Variants in ASS1 observed in about 807,000 individuals in gnomAD.
ASS1 encodes the protein argininosuccinate synthase 1.
A neutral mutation model predicts 60.5 loss-of-function variants in ASS1; 58 were observed. That is an observed-to-expected ratio of 0.96 (90% CI 0.78 to 1.19). The LOEUF is 1.19. ASS1 is among the 50% of genes most tolerant of loss of function. The pLI, the probability that ASS1 is intolerant of heterozygous loss-of-function variation, is 0.00. For synonymous variants in ASS1, 200 were observed against 206.9 expected (o/e 0.97, Z 0.29); for missense variants, 454 against 547.3 (o/e 0.83, Z 1.70).
At chr9:130,451,292 G>T (rs1420863707) in intron 1 of ASS1, among the ~76,000 whole-genome samples, 1 of 124,480 alleles carries the variant, frequency 8.0e-6, no homozygotes, top group Non-Finnish European at 1.7e-5. Flanking sequence ...CTTCCCGGCT[G>T]CAGAGGGCCT....
At position 130,476,943 on chromosome 9, in the gene ASS1, G is replaced by A. The variant is rs764331417; in HGVS notation, c.670G>A (p.Glu224Lys). ...AGCCCCCAACACCCCTGACATTCTC[G>A]AGATCGAGTTCAAAAAAGGTATGTG... ...AKAPNTPDIL[E>K]IEFKKGVPVK... The change falls in exon 9 of 15, where the codon GAG becomes AAG. Residue 224 changes from glutamate to lysine, a missense_variant. Glu to Lys is a moderately conservative substitution (Grantham distance 56). Coordinates refer to ENST00000352480, the MANE Select transcript of ASS1 (RefSeq NM_054012.4). The surrounding 1 kb of genome is among the most constrained non-coding windows in gnomAD (Gnocchi z 4.9). The A allele has an allele frequency of 6.2e-6, 10 of 1,614,050 alleles. No homozygotes were observed. The highest frequency in any genetic ancestry group is 1.6e-4 in the Middle Eastern group (1 of 6,062).
intron 8 of ASS1, among the ~76,000 whole-genome samples, chr9:130,472,179 G>A (rs1020664175): frequency 6.6e-6 from 1 of 152,196 alleles, no homozygotes; most frequent in Non-Finnish European, 1.5e-5. Flanking sequence ...CTTAGTTCCC[G>A]GGCCCAGCCC....
At position 130,491,608 on chromosome 9, in the gene ASS1, G is replaced by A. The variant is rs914388566; in HGVS notation, c.970+2144G>A. 2.0e-5 allele frequency among the ~76,000 whole-genome samples: 3 copies of A among 152,310 alleles called. No individual in the cohort carries two copies. Among genetic ancestry groups the A allele is most frequent in the Admixed American group, 6.5e-5 (1 of 15,298 alleles). The stretch of plus-strand genomic sequence containing the variant: ...GATGCTCGTGATCAAGGGGCACGGC[G>A]GCACAGACAGGGGAACCCTGGGTGT... On this transcript the variant is annotated intron_variant, in intron 12 of 14. Coordinates refer to ENST00000352480, the MANE Select transcript of ASS1 (RefSeq NM_054012.4). This position sits in a 1 kb window ranked among gnomAD's most constrained non-coding sequence, Gnocchi z 5.3.
rs1846522686 is a variant in ASS1 at position 130,494,076 on chromosome 9, C to T, written c.971-791C>T. Among the ~76,000 whole-genome samples the T allele has an allele frequency of 6.6e-6, 1 of 152,182 alleles. No individual in the cohort carries two copies. Among genetic ancestry groups the T allele is most frequent in the Admixed American group, 6.5e-5 (1 of 15,280 alleles). On this transcript the variant is annotated intron_variant, in intron 12 of 14. Coordinates refer to ENST00000352480, the MANE Select transcript of ASS1 (RefSeq NM_054012.4). The surrounding 1 kb of genome is among the most constrained non-coding windows in gnomAD (Gnocchi z 4.3). ...AACTTCTCTGAGCCTCCCTTCCTCA[C>T]CCAGAAAGGGGAGAGGCTAAGAGAG...
chr9:130,497,111 T>C (rs1171019784), intron 13 of ASS1, among the ~76,000 whole-genome samples: 2 of 152,230 alleles, frequency 1.3e-5, no homozygotes, highest in East Asian at 3.8e-4. Flanking sequence ...TTTCTCTCTC[T>C]GGCTCTTTCT....
chr9:130,447,018 A>C (rs1009398275), intron 1 of ASS1, among the ~76,000 whole-genome samples: 3 of 152,210 alleles, frequency 2.0e-5, no homozygotes. Context: ...TCCATCACCA[A>C]AGACAAACCG....
chr9:130,493,079 GCC>G (rs1846488132), intron 12 of ASS1, among the ~76,000 whole-genome samples: 2 of 152,128 alleles, frequency 1.3e-5, no homozygotes, highest in Non-Finnish European at 2.9e-5. Context: ...CAGAAAGATG[GCC>G]AAGCCCAGGA....
chr9:130,476,598 G>A lies in ASS1; in HGVS notation c.598-273G>A, dbSNP rs927887619. The A allele has an allele frequency of 4.3e-5, 24 of 562,184 alleles. No homozygotes were observed. The African/African-American group carries it at 4.3e-4, about 10-fold the overall frequency. 34.8% of individuals were successfully genotyped at this position (562,184 alleles called of 1,614,324 possible). A position where few individuals can be genotyped will look rare whatever the true frequency, so the allele number is the denominator to read the frequency against. ...TTCCTGCCTGACTTGTTCCTCTCCA[G>A]CTATTCTACCTCCAGCTGTGGGGGC... On this transcript the variant is annotated intron_variant, in intron 8 of 14. Coordinates refer to ENST00000352480, the MANE Select transcript of ASS1 (RefSeq NM_054012.4). The surrounding 1 kb of genome is among the most constrained non-coding windows in gnomAD (Gnocchi z 4.9).
intron 13 of ASS1, among the ~76,000 whole-genome samples, chr9:130,496,593 T>TAAA (rs56807719): frequency 1.9e-5 from 2 of 105,962 alleles, no homozygotes; most frequent in African/African-American, 7.1e-5. Context: ...ACTGTCTCTT[T>TAAA]AAAAAAAAAA....
chr9:130,480,791 G>A (rs1474528220), intron 11 of ASS1, among the ~76,000 whole-genome samples: 7 of 152,178 alleles, frequency 4.6e-5, no homozygotes, highest in Admixed American at 2.6e-4. Flanking sequence ...GAGGCAGACC[G>A]TGCAGGCCCG....
chr9:130,454,792 A>C (rs1357061967), intron 3 of ASS1, among the ~76,000 whole-genome samples: 1 of 142,732 alleles, frequency 7.0e-6, no homozygotes, highest in Admixed American at 6.8e-5. Context: ...CCCATCATCC[A>C]TCCATCCATC....
chr9:130,447,223 G>A (rs1845216031), intron 1 of ASS1, among the ~76,000 whole-genome samples: 1 of 152,234 alleles, frequency 6.6e-6, no homozygotes, highest in Non-Finnish European at 1.5e-5. Flanking sequence ...GGGAGTGGAA[G>A]GCCTAGTGCA....
Position 130,495,030 on chromosome 9 carries a change from G to A in ASS1, c.1127+7G>A, listed in dbSNP as rs1386393475. ...ACAATGAGGAGCTGGTGAGGTAGGT[G>A]CCCCACACCTCATTCTGACCCCCAC... On this transcript the variant is annotated splice_region_variant and intron_variant, in intron 13 of 14. Transcript: ENST00000352480. 6.2e-7 allele frequency: 1 copy of A among 1,607,638 alleles called. No individual in the cohort carries two copies. Among genetic ancestry groups the A allele is most frequent in the Non-Finnish European group, 8.5e-7 (1 of 1,177,664 alleles).
chr9:130,452,348 T>A lies in ASS1; in HGVS notation c.105+15T>A. On this transcript the variant is annotated intron_variant, in intron 2 of 14. Transcript: ENST00000352480. ...TTGCCTATCTGGTGAGGGAGCGACCTGGGTGTCTGTCTTCCTGCGTGTCCT... is the reference window on the plus strand; with the variant it reads ...TTGCCTATCTGGTGAGGGAGCGACCAGGGTGTCTGTCTTCCTGCGTGTCCT... The A allele has an allele frequency of 1.2e-6, 2 of 1,607,182 alleles. No individual in the cohort carries two copies. Among genetic ancestry groups the A allele is most frequent in the African/African-American group, 2.7e-5 (2 of 74,896 alleles).
rs548008678 is a variant in ASS1 at position 130,445,909 on chromosome 9, T to C, written c.-6+914T>C. ...AGGGGTAGATCAAGACCTAGGGGAC[T>C]TGGGCTTTGATCCTCCCGCTCCCAG... On this transcript the variant is annotated intron_variant, in intron 1 of 14. Transcript: ENST00000352480. 5.1e-4 allele frequency among the ~76,000 whole-genome samples: 77 copies of C among 152,194 alleles called. 1 individual carries two copies. The highest frequency in any genetic ancestry group is 3.4e-3 in the Middle Eastern group (1 of 294).
At chr9:130,461,178 C>T (rs140224705) in intron 4 of ASS1, among the ~76,000 whole-genome samples, 26 of 100,082 alleles carry the variant, frequency 2.6e-4, no homozygotes, top group African/African-American at 1.1e-3. Context: ...TTCAGTAGGG[C>T]GGCATTCAGG....
At chr9:130,460,234 G>T (rs1328496492) in intron 4 of ASS1, among the ~76,000 whole-genome samples, 1 of 152,152 alleles carries the variant, frequency 6.6e-6, no homozygotes, top group Non-Finnish European at 1.5e-5. Flanking sequence ...GAGGAGACGC[G>T]GTTGATTTGA....
Position 130,489,433 on chromosome 9 carries a change from G to A in ASS1, c.939G>A (p.Leu313=). The A allele has an allele frequency of 6.2e-7, 1 of 1,614,086 alleles. No individual in the cohort carries two copies. The highest frequency in any genetic ancestry group is 1.3e-5 in the African/African-American group (1 of 75,000). The stretch of plus-strand genomic sequence containing the variant: ...AAGTGCGCAAAATCAAACAAGGCCT[G>A]GGCTTGAAATTTGCTGAGCTGGTGT... ...DREVRKIKQG[L]GLKFAELVYT... Residue 313 remains leucine, a synonymous_variant, in exon 12 of 15, where the codon CTG becomes CTA. Transcript: ENST00000352480. This position sits in a 1 kb window ranked among gnomAD's most constrained non-coding sequence, Gnocchi z 4.1.
At chr9:130,455,681 T>C (rs1031756918) in intron 3 of ASS1, among the ~76,000 whole-genome samples, 11 of 152,334 alleles carry the variant, frequency 7.2e-5, no homozygotes, top group African/African-American at 2.2e-4. Flanking sequence ...CCTGCTCACA[T>C]GTGCTCACTC....
Sources: allele counts gnomAD v4.1 joint callset (sites outside exome capture counted in the v4.1 genomes callset), GRCh38; gene constraint gnomAD v4.1.1; non-coding constraint Gnocchi (gnomAD v3.1); transcripts MANE v1.5; gene names NCBI Gene and HGNC (gene_info 2026-07-23, HGNC 2026-07-21).